TMCC2: variants seen among roughly 807,000 people sequenced by gnomAD.
TMCC2 encodes the protein transmembrane and coiled-coil domain family 2.
In TMCC2, 16 loss-of-function variants were observed where a neutral mutation model predicts 49.4. The ratio of observed to expected loss-of-function variants is 0.32; its 90% CI spans 0.22 to 0.49. TMCC2 has a LOEUF of 0.49. Ranked by LOEUF, TMCC2 falls within the 20% of genes least tolerant of loss-of-function variation. The pLI, the probability that TMCC2 is intolerant of heterozygous loss-of-function variation, is 0.99. For synonymous variants in TMCC2, 397 were observed against 434.1 expected, an observed-to-expected ratio of 0.91 and a Z score of 1.06; for missense variants, 762 against 989.8, an observed-to-expected ratio of 0.77 and a Z score of 3.09.
intron 2 of TMCC2, among the ~76,000 whole-genome samples, chr1:205,243,932 CGA>C (rs1019660958): frequency 1.8e-4 from 27 of 151,998 alleles, no homozygotes; most frequent in Non-Finnish European, 4.4e-5. Context: ...ACCAGGAGCC[CGA>C]GAGAGAGCAG....
At chr1:205,260,689 C>A (rs1224320134) in intron 2 of TMCC2, among the ~76,000 whole-genome samples, 1 of 151,470 alleles carries the variant, frequency 6.6e-6, no homozygotes, top group Non-Finnish European at 1.5e-5. Flanking sequence ...CTTCCCCCAC[C>A]CCCACCCCAG....
Position 205,265,088 on chromosome 1 carries a change from G to T in TMCC2, c.748-3862G>T, listed in dbSNP as rs913712189. Among the ~76,000 whole-genome samples, 13 of 152,298 alleles carry T rather than the reference G, an allele frequency of 8.5e-5. 2 individuals are homozygous for T. The South Asian group carries it at 2.5e-3, about 29-fold the overall frequency. On this transcript the variant is annotated intron_variant, in intron 2 of 4. Coordinates refer to ENST00000358024, the MANE Select transcript of TMCC2 (RefSeq NM_014858.4). ...TGCAGACCTTCATGTCACCAAGGAG[G>T]TGTCCAGGCCTCTGTGGAGGGACGG... is the stretch of plus-strand genomic sequence containing the variant.
intron 2 of TMCC2, among the ~76,000 whole-genome samples, chr1:205,263,390 G>A (rs912157053): frequency 6.6e-6 from 1 of 152,124 alleles, no homozygotes; most frequent in Non-Finnish European, 1.5e-5. Context: ...CTCTCAGGGT[G>A]TAAAAACCCA....
intron 4 of TMCC2, 88 bp downstream of exon 4, chr1:205,271,343 T>C (rs1278213497): frequency 6.2e-7 from 1 of 1,604,226 alleles, no homozygotes; most frequent in African/African-American, 1.3e-5. Flanking sequence ...ACGTGGGGCA[T>C]GATAGACACA....
intron 2 of TMCC2, among the ~76,000 whole-genome samples, chr1:205,255,966 A>G (rs949250821): frequency 5.3e-5 from 8 of 152,336 alleles, no homozygotes; most frequent in Middle Eastern, 3.4e-3. Context: ...ATGCTTTGCC[A>G]GGCTTCTTCA....
chr1:205,270,016 G>C (rs977921746), intron 3 of TMCC2, 132 bp downstream of exon 3: 6 of 833,168 alleles, frequency 7.2e-6, no homozygotes, highest in African/African-American at 1.7e-5. Flanking sequence ...GAAGGAGCCA[G>C]CACGAGGCCC....
intron 1 of TMCC2, chr1:205,236,760 C>T (rs1214662168): frequency 6.6e-6 from 1 of 152,300 alleles, no homozygotes; most frequent in Non-Finnish European, 1.5e-5. Flanking sequence ...TCGCTGCAGA[C>T]TGGTGTGATC....
intron 2 of TMCC2, chr1:205,257,129 C>G (rs971457774): frequency 2.4e-6 from 3 of 1,229,992 alleles, no homozygotes; most frequent in Non-Finnish European, 3.0e-6. Context: ...GAAGGAGCAG[C>G]CCGTGAGCCC....
intron 2 of TMCC2, among the ~76,000 whole-genome samples, chr1:205,267,023 G>A (rs1661368003): frequency 6.6e-6 from 1 of 152,250 alleles, no homozygotes; most frequent in Non-Finnish European, 1.5e-5. Context: ...ACTTAAGGGA[G>A]ACTGTGGGTA....
At chr1:205,229,143 A>G in intron 1 of TMCC2, 1 of 1,087,736 alleles carries the variant, frequency 9.2e-7, no homozygotes. Flanking sequence ...GTCTCTACCC[A>G]TTGGGATCTT....
At chr1:205,235,590 T>C (rs1433575782) in intron 1 of TMCC2, among the ~76,000 whole-genome samples, 1 of 152,050 alleles carries the variant, frequency 6.6e-6, no homozygotes, top group Non-Finnish European at 1.5e-5. Context: ...TGTTTTCATC[T>C]CTCCCTTAAG....
At chr1:205,257,243 T>A in intron 2 of TMCC2, 3 of 1,232,300 alleles carry the variant, frequency 2.4e-6, no homozygotes, top group Non-Finnish European at 3.0e-6. Flanking sequence ...GCACACCTGC[T>A]CGCAGCCCAG....
intron 1 of TMCC2, chr1:205,229,044 G>A: frequency 7.7e-7 from 1 of 1,306,584 alleles, no homozygotes; most frequent in Non-Finnish European, 9.8e-7. Flanking sequence ...AATGTGTGAA[G>A]TGTTATTCGC....
chr1:205,260,168 GCCAGCCTATCT>G (rs1661047398), intron 2 of TMCC2, among the ~76,000 whole-genome samples: 1 of 152,170 alleles, frequency 6.6e-6, no homozygotes, highest in African/African-American at 2.4e-5. Context: ...CTGTGGAGTG[GCCAGCCTATCT>G]CAGGCAGGTT....
chr1:205,231,964 A>T (rs1476176384), intron 1 of TMCC2, among the ~76,000 whole-genome samples: 1 of 152,054 alleles, frequency 6.6e-6, no homozygotes, highest in African/African-American at 2.4e-5. Flanking sequence ...ATAATAAAGG[A>T]CTCTGTGTAA....
At chr1:205,244,665 C>A (rs778469015) in intron 2 of TMCC2, among the ~76,000 whole-genome samples, 1 of 152,036 alleles carries the variant, frequency 6.6e-6, no homozygotes, top group Non-Finnish European at 1.5e-5. Context: ...CAGAGCTGAA[C>A]GATTATCAGG....
intron 2 of TMCC2, chr1:205,256,329 G>A (rs1172147): frequency 0.35 from 543,990 of 1,550,110 alleles, 103,381 homozygotes; most frequent in Non-Finnish European, 0.4. Context: ...ATTGTCCTCA[G>A]CTGTGGACCT....
intron 2 of TMCC2, chr1:205,257,384 T>C (rs1574855692): frequency 8.1e-7 from 1 of 1,231,496 alleles, no homozygotes; most frequent in South Asian, 4.1e-5. Context: ...GTCTGGTGGG[T>C]GGAAGGAGAG....
At chr1:205,229,562 T>TGGGGGGGGGGGGGGGGGGGGGGG (rs1659707258) in intron 1 of TMCC2, 1 of 453,360 alleles carries the variant, frequency 2.2e-6, no homozygotes, top group Admixed American at 8.9e-4. Context: ...GGGGGGGTGG[T>TGGGGGGGGGGGGGGGGGGGGGGG]GGCGGGGGCG....
Sources: gnomAD v4.1 joint callset for allele counts (sites outside exome capture counted in the v4.1 genomes callset) on GRCh38, gnomAD v4.1.1 for gene constraint, MANE v1.5 for transcripts, NCBI Gene and HGNC (gene_info 2026-07-23, HGNC 2026-07-21) for gene names.